The following GSS variants were observed in gnomAD, a reference collection of about 807,000 sequenced individuals.
The protein encoded by GSS is GSH synthetase.
GSS carries 34 observed loss-of-function variants against 60.4 expected under a neutral mutation model. The observed-to-expected ratio is 0.56, with a 90% CI of 0.43 to 0.75. GSS has a LOEUF of 0.75. Ranked by LOEUF, GSS falls within the 30% of genes least tolerant of loss-of-function variation. The pLI is 0.00. For missense variants in GSS, 499 were observed against 595.1 expected (o/e 0.84, Z 1.68); for synonymous variants, 224 against 239.0 (o/e 0.94, Z 0.58).
Position 34,936,794 on chromosome 20 carries a change from C to G in GSS, c.736G>C (p.Gly246Arg). The part of the protein sequence containing the change: ...RRTFEDISEK[G>R]SLDQDRRLFV... ...AGCCTTCGGTCTTGGTCCAGAGACC[C>G]CTTTTCAGAGATATCTTCAAATGTT... Residue 246 changes from glycine to arginine, a missense_variant, in exon 8 of 13, where the codon GGG (glycine) becomes CGG (arginine). By Grantham distance (125) the Gly-to-Arg change is moderately radical (BLOSUM62 -2). Coordinates refer to ENST00000651619, the MANE Select transcript of GSS (RefSeq NM_000178.4). 2 of 1,614,060 alleles carry G rather than the reference C, an allele frequency of 1.2e-6. No homozygotes were observed. The highest frequency in any genetic ancestry group is 1.7e-6 in the Non-Finnish European group (2 of 1,179,952).
In GSS at chr20:34,932,057, G is replaced by A. The variant is rs374498290; in HGVS notation, c.911C>T (p.Thr304Ile). 9.9e-5 allele frequency: 159 copies of A among 1,614,024 alleles called. No homozygotes were observed. Among genetic ancestry groups the A allele is most frequent in the Non-Finnish European group, 1.3e-4 (150 of 1,179,996 alleles). ...GCTTAGCTCCTGCTGCACCTTCTTA[G>A]TCCCAGCCAGCTGGGTGGCAATGTC... is the stretch of plus-strand genomic sequence containing the variant. ...CPDIATQLAG[T>I]KKVQQELSRP... The change falls in exon 10 of 13, where the codon ACT becomes ATT. Residue 304 changes from threonine to isoleucine, a missense_variant. Coordinates refer to ENST00000651619, the MANE Select transcript of GSS (RefSeq NM_000178.4).
intron 3 of GSS, among the ~76,000 whole-genome samples, 174 bp downstream of exon 3, chr20:34,945,779 G>A (rs73905013): frequency 6.6e-6 from 1 of 152,120 alleles, no homozygotes; most frequent in African/African-American, 2.4e-5. Context: ...TAAATAACTG[G>A]TCGAGCCAGG....
At position 34,942,996 on chromosome 20, in the gene GSS, G is replaced by T; in HGVS notation, c.286C>A (p.Gln96Lys). The part of the protein sequence containing the change: ...LEQTLSSTIK[Q>K]DDFTARLFDI... Reference sequence around the variant, plus strand: ...AAGAGACGAGCGGTAAAGTCATCCTGTTTGATGGTGCTGGAGGAAGAAACA... The same window carrying T: ...AAGAGACGAGCGGTAAAGTCATCCTTTTTGATGGTGCTGGAGGAAGAAACA... The change falls in exon 4 of 13, where the codon CAG becomes AAG. Residue 96 changes from glutamine to lysine, a missense_variant. Gln to Lys is a moderately conservative substitution (Grantham distance 53, BLOSUM62 1). Coordinates refer to ENST00000651619, the MANE Select transcript of GSS (RefSeq NM_000178.4). 2 of 1,610,060 alleles carry T rather than the reference G, an allele frequency of 1.2e-6. No individual in the cohort carries two copies. The highest frequency in any genetic ancestry group is 1.7e-6 in the Non-Finnish European group (2 of 1,177,090).
intron 6 of GSS, among the ~76,000 whole-genome samples, chr20:34,938,041 A>G (rs1315928102): frequency 6.6e-6 from 1 of 152,088 alleles, no homozygotes; most frequent in African/African-American, 2.4e-5. Context: ...TAGTTTGAGT[A>G]GAGATGGGGT....
chr20:34,937,170 C>A, intron 6 of GSS, 147 bp from the exon 7 acceptor site: 3 of 686,256 alleles, frequency 4.4e-6, no homozygotes, highest in Non-Finnish European at 5.3e-6. Flanking sequence ...CTCTCAGGAA[C>A]CTTGAGATTA....
chr20:34,952,784 C>T (rs6060128), intron 1 of GSS: 38,021 of 152,038 alleles, frequency 0.25, 5,157 homozygotes, highest in Non-Finnish European at 0.31. Flanking sequence ...CACTGCAGTA[C>T]ATTATTAATT....
intron 6 of GSS, among the ~76,000 whole-genome samples, chr20:34,938,529 G>A (rs1263552099): frequency 6.6e-6 from 1 of 152,162 alleles, no homozygotes; most frequent in Non-Finnish European, 1.5e-5. Context: ...AAGGGCCAAT[G>A]GCTTTGCTCT....
chr20:34,942,577 T>C lies in GSS; in HGVS notation c.402A>G (p.Ala134=). ...TCTGTTTCAGGGCTGGGGAGCCATC[T>C]GCGCTGCGCTGGAACATGTAGTCTG... ...NRSDYMFQRS[A]DGSPALKQIE... is the part of the protein sequence containing the mutation. Residue 134 remains alanine (A), a synonymous_variant, in exon 5 of 13, where the codon GCA becomes GCG. Coordinates refer to ENST00000651619, the MANE Select transcript of GSS (RefSeq NM_000178.4). 1 of 1,614,002 alleles carries C rather than the reference T, an allele frequency of 6.2e-7. No homozygotes were observed. The highest frequency in any genetic ancestry group is 8.5e-7 in the Non-Finnish European group (1 of 1,179,874).
intron 11 of GSS, among the ~76,000 whole-genome samples, chr20:34,930,142 T>C (rs1375883809): frequency 6.6e-6 from 1 of 151,872 alleles, no homozygotes; most frequent in Non-Finnish European, 1.5e-5. Context: ...GGCGCACACC[T>C]GTAGTCCCAG....
chr20:34,932,454 AGCTGGC>A (rs2081409788), intron 9 of GSS, among the ~76,000 whole-genome samples: 1 of 152,156 alleles, frequency 6.6e-6, no homozygotes, highest in Non-Finnish European at 1.5e-5. Context: ...ATCCTTCAGG[AGCTGGC>A]TCCTGTCTAC....
In GSS at chr20:34,928,594, T is replaced by C; in HGVS notation, c.*234A>G. 1.7e-6 allele frequency: 1 copy of C among 592,334 alleles called. No individual in the cohort carries two copies. The highest frequency in any genetic ancestry group is 1.9e-5 in the South Asian group (1 of 51,716). The allele number at this position is 592,334 out of a possible 1,614,324, so 36.7% of individuals were successfully genotyped here. ...GAGTGGGGCAGGGTTCATGGACCTT[T>C]ACCTCAGAGCAGCTTACCCTGAGCT... On this transcript the variant is annotated 3_prime_UTR_variant, in exon 13 of 13. Coordinates refer to ENST00000651619, the MANE Select transcript of GSS (RefSeq NM_000178.4).
At chr20:34,948,673 G>A (rs940244090) in intron 2 of GSS, among the ~76,000 whole-genome samples, 16 of 152,038 alleles carry the variant, frequency 1.1e-4, no homozygotes, top group African/African-American at 3.9e-4. Flanking sequence ...AGTCCCAGCT[G>A]CTCTGGAGGC....
chr20:34,928,972 GAC>G, intron 12 of GSS, 21 bp from the exon 13 acceptor site: 1 of 1,612,496 alleles, frequency 6.2e-7, no homozygotes, highest in Non-Finnish European at 8.5e-7. Context: ...GGAGGCAGGG[GAC>G]ACACATCACC....
chr20:34,940,082 C>G (rs2081471018), intron 6 of GSS, among the ~76,000 whole-genome samples: 1 of 152,186 alleles, frequency 6.6e-6, no homozygotes, highest in South Asian at 2.1e-4. Flanking sequence ...ATTATTATTA[C>G]TCCTATTTTA....
intron 6 of GSS, 133 bp downstream of exon 6, chr20:34,941,580 T>C (rs2081483085): frequency 1.3e-5 from 9 of 695,266 alleles, no homozygotes; most frequent in East Asian, 7.7e-5. Context: ...AATTTTGGCA[T>C]GTAAAGGTAT....
In GSS at chr20:34,950,536, C is replaced by T. The variant is rs2081560785; in HGVS notation, c.129+1188G>A. Among the ~76,000 whole-genome samples the T allele has an allele frequency of 2.0e-5, 3 of 151,698 alleles. No individual in the cohort carries two copies. The South Asian group carries it at 6.2e-4, about 32-fold the overall frequency. The stretch of plus-strand genomic sequence containing the variant: ...TCCCAGCAATTTTGGGGGGCAGAGG[C>T]CAGTGGATCACTTGAAGTCAGGAGT... On this transcript the variant is annotated intron_variant, in intron 2 of 12. Transcript: ENST00000651619.
chr20:34,934,832 C>G (rs941758815), intron 9 of GSS, among the ~76,000 whole-genome samples: 1 of 152,228 alleles, frequency 6.6e-6, no homozygotes, highest in Non-Finnish European at 1.5e-5. Flanking sequence ...CATCATCACA[C>G]AGAGGCAGTC....
intron 3 of GSS, among the ~76,000 whole-genome samples, chr20:34,944,330 A>G (rs895564191): frequency 6.6e-6 from 1 of 152,232 alleles, no homozygotes; most frequent in Non-Finnish European, 1.5e-5. Flanking sequence ...CATTAGGGTT[A>G]TAAGCCAGGC....
Position 34,943,357 on chromosome 20 carries a change from G to C in GSS, c.276-351C>G, listed in dbSNP as rs535447572. Among the ~76,000 whole-genome samples the C allele has an allele frequency of 2.6e-5, 4 of 152,282 alleles. No individual in the cohort carries two copies. In the Middle Eastern group the frequency reaches 0.014, roughly 518 times the overall value. On this transcript the variant is annotated intron_variant, in intron 3 of 12. Transcript: ENST00000651619. ...ATTGAACATACTGCACCGAAGAAGA[G>C]CTAGAAAATGACATGATGTATCTAT... is the stretch of plus-strand genomic sequence containing the variant.
Sources: gnomAD v4.1 joint callset for allele counts (sites outside exome capture counted in the v4.1 genomes callset) on GRCh38, gnomAD v4.1.1 for gene constraint, MANE v1.5 for transcripts, NCBI Gene and HGNC (gene_info 2026-07-23, HGNC 2026-07-21) for gene names.